MTUS1: variants seen among roughly 807,000 people sequenced by gnomAD.
The protein encoded by MTUS1 is microtubule-associated tumor suppressor 1.
Under a neutral mutation model 120.8 loss-of-function variants are expected in MTUS1, and 109 were observed. That is an observed-to-expected ratio of 0.90 (90% CI 0.77 to 1.06). The LOEUF (loss-of-function observed/expected upper bound fraction) is 1.06, where lower values mean the gene tolerates loss of function less well. Ranked by LOEUF, MTUS1 falls within the 50% of genes least tolerant of loss-of-function variation. The pLI is 0.00. For missense variants in MTUS1, 2,210 were observed against 1,486.3 expected (o/e 1.49, Z -8.01); for synonymous variants, 737 against 550.5 (o/e 1.34, Z -4.74).
At chr8:17,676,142 T>C in intron 7 of MTUS1, 1 of 662,638 alleles carries the variant, frequency 1.5e-6, no homozygotes, top group Non-Finnish European at 2.7e-6. Context: ...ATCACAGCGT[T>C]GCAGAGATCA....
chr8:17,755,479 C>T lies in MTUS1; in HGVS notation c.329G>A (p.Gly110Asp). ...TTGCAGATATTTGGGCTTCTCAGTA[C>T]CTACAAGTGCAGGACACTGACAAAT... ...DSICQCPALV[G>D]TEKPKYLQHS... Residue 110 changes from glycine (G) to aspartate (D), a missense_variant, in exon 2 of 15, where the codon GGT becomes GAT. Coordinates refer to ENST00000693296, the MANE Select transcript of MTUS1 (RefSeq NM_001363059.2). 6.2e-7 allele frequency: 1 copy of T among 1,614,180 alleles called. No homozygotes were observed. The highest frequency in any genetic ancestry group is 8.5e-7 in the Non-Finnish European group (1 of 1,180,004).
At chr8:17,766,847 T>C (rs2049545891) in intron 1 of MTUS1, among the ~76,000 whole-genome samples, 1 of 152,158 alleles carries the variant, frequency 6.6e-6, no homozygotes, top group Non-Finnish European at 1.5e-5. Flanking sequence ...GAGAATTGTA[T>C]GACCAGTATA....
chr8:17,695,915 G>T (rs552028087), intron 6 of MTUS1, among the ~76,000 whole-genome samples: 81 of 152,276 alleles, frequency 5.3e-4, no homozygotes, highest in African/African-American at 1.9e-3. Context: ...GGGACTCTGG[G>T]TAAGAGAGAG....
chr8:17,687,274 T>C (rs1202308774), intron 6 of MTUS1, among the ~76,000 whole-genome samples: 1 of 152,170 alleles, frequency 6.6e-6, no homozygotes, highest in East Asian at 1.9e-4. Flanking sequence ...TGGCAGCCGA[T>C]GACCCAGTTT....
intron 6 of MTUS1, chr8:17,705,856 G>C (rs573415539): frequency 6.6e-6 from 1 of 152,216 alleles, no homozygotes; most frequent in Non-Finnish European, 1.5e-5. Context: ...ACCAATCAGG[G>C]TACTGGATAA....
chr8:17,711,913 G>A (rs181811814), intron 6 of MTUS1, among the ~76,000 whole-genome samples: 3 of 152,316 alleles, frequency 2.0e-5, no homozygotes, highest in African/African-American at 4.8e-5. Flanking sequence ...AGAGATGGAA[G>A]AGGGACCAGT....
chr8:17,659,467 C>A (rs777569950), intron 8 of MTUS1, among the ~76,000 whole-genome samples: 1 of 152,172 alleles, frequency 6.6e-6, no homozygotes, highest in Non-Finnish European at 1.5e-5. Context: ...AAGGCCGAAG[C>A]GTGCAGATCA....
intron 4 of MTUS1, chr8:17,723,325 G>A (rs1222839932): frequency 3.2e-6 from 1 of 315,950 alleles, no homozygotes; most frequent in Non-Finnish European, 6.2e-6. Context: ...AGATTCCACA[G>A]GAGATAGTCT....
chr8:17,742,269 GTTT>G (rs1210338239), intron 3 of MTUS1, among the ~76,000 whole-genome samples: 14 of 94,904 alleles, frequency 1.5e-4, no homozygotes, highest in African/African-American at 3.4e-4. Context: ...ATGCCCAGCT[GTTT>G]TTTTTTTTTG....
chr8:17,745,499 A>T (rs1457245684), intron 2 of MTUS1, among the ~76,000 whole-genome samples: 1 of 152,194 alleles, frequency 6.6e-6, no homozygotes, highest in African/African-American at 2.4e-5. Context: ...CAATCCACAG[A>T]TGTGGAGCCC....
intron 1 of MTUS1, among the ~76,000 whole-genome samples, chr8:17,763,492 A>G (rs1055657458): frequency 3.9e-5 from 6 of 151,978 alleles, no homozygotes; most frequent in Non-Finnish European, 8.8e-5. Context: ...CTTTTGACTC[A>G]CTCCATCCAG....
rs774984446 is a variant in MTUS1, at chr8:17,656,004, A to G, written c.2967T>C (p.Tyr989=). The part of the protein sequence containing the change: ...EKARNELQTV[Y]EAFVQQHQAE... ...CCTGGTGCTGCTGGACGAATGCTTC[A>G]TACACTGTTTGTAACTCATTCCTGG... The change falls in exon 9 of 15, where the codon TAT becomes TAC. Residue 989 remains tyrosine, a synonymous_variant. Coordinates refer to ENST00000693296, the MANE Select transcript of MTUS1 (RefSeq NM_001363059.2). The G allele has an allele frequency of 3.1e-6, 5 of 1,614,234 alleles. No homozygotes were observed. In the East Asian group the frequency reaches 1.1e-4, roughly 36 times the overall value.
intron 8 of MTUS1, among the ~76,000 whole-genome samples, chr8:17,672,336 G>A (rs1213514712): frequency 6.6e-6 from 1 of 152,050 alleles, no homozygotes; most frequent in Non-Finnish European, 1.5e-5. Context: ...CCACCCTTGG[G>A]GCAGACAATT....
At chr8:17,752,963 G>GA (rs1348725883) in intron 2 of MTUS1, among the ~76,000 whole-genome samples, 1 of 152,132 alleles carries the variant, frequency 6.6e-6, no homozygotes, top group Non-Finnish European at 1.5e-5. Flanking sequence ...ATGTTTAAAG[G>GA]AAAATCACCT....
chr8:17,650,403 A>G (rs528815355), intron 12 of MTUS1, among the ~76,000 whole-genome samples: 1 of 152,254 alleles, frequency 6.6e-6, no homozygotes, highest in African/African-American at 2.4e-5. Flanking sequence ...CAGGGATAAC[A>G]ATGTCCTGAG....
intron 6 of MTUS1, among the ~76,000 whole-genome samples, chr8:17,711,309 T>A (rs1011504492): frequency 2.6e-5 from 4 of 152,250 alleles, no homozygotes; most frequent in Admixed American, 1.3e-4. Context: ...TTGTTTTGTG[T>A]AGCCACCTTT....
chr8:17,723,481 C>T, intron 4 of MTUS1, 191 bp downstream of exon 4: 1 of 661,444 alleles, frequency 1.5e-6, no homozygotes, highest in Non-Finnish European at 2.7e-6. Context: ...TATACTTTAA[C>T]ACATAATTAT....
chr8:17,785,931 A>G (rs1363606167), intron 1 of MTUS1, among the ~76,000 whole-genome samples: 1 of 152,164 alleles, frequency 6.6e-6, no homozygotes, highest in Non-Finnish European at 1.5e-5. Context: ...AATCTATTGA[A>G]CCCAGTTCAA....
Position 17,754,581 on chromosome 8 carries a change from A to C in MTUS1, c.1227T>G (p.Phe409Leu), listed in dbSNP as rs1005612046. 6.2e-7 allele frequency: 1 copy of C among 1,614,224 alleles called. No homozygotes were observed. The highest frequency in any genetic ancestry group is 8.5e-7 in the Non-Finnish European group (1 of 1,180,036). Residue 409 changes from phenylalanine to leucine, a missense_variant, in exon 2 of 15, where the codon TTT becomes TTG. Transcript: ENST00000693296. ...TATCATTTGCATCCCAAGTCAGTCC[A>C]AATGACGAGCCCACCTTTTGTCCTG... ...SPPGQKVGSSFGLTWDANDMV... is the reference protein window; with the variant it reads ...SPPGQKVGSSLGLTWDANDMV...
Sources: gnomAD v4.1 joint callset for allele counts (sites outside exome capture counted in the v4.1 genomes callset) on GRCh38, gnomAD v4.1.1 for gene constraint, MANE v1.5 for transcripts, NCBI Gene and HGNC (gene_info 2026-07-23, HGNC 2026-07-21) for gene names.